Variants in DPP10 observed in about 807,000 individuals in gnomAD.
DPP10 encodes the protein inactive dipeptidyl peptidase 10.
DPP10 carries 33 observed loss-of-function variants against 120.9 expected under a neutral mutation model. The observed-to-expected ratio is 0.27, with a 90% CI of 0.21 to 0.37. The LOEUF is 0.37. DPP10 is among the 10% of genes least tolerant of loss of function. The pLI is 1.00. For synonymous variants in DPP10, 337 were observed against 326.1 expected (o/e 1.03, Z -0.36); for missense variants, 816 against 942.8 (o/e 0.87, Z 1.76).
At chr2:115,389,372 ATAACT>A (rs3980954) in intron 3 of DPP10, among the ~76,000 whole-genome samples, 73,053 of 151,668 alleles carry the variant, frequency 0.48, 18,215 homozygotes, top group Non-Finnish European at 0.56. Context: ...GGCAAGCAAC[ATAACT>A]TGTTGGCTTT....
At chr2:114,800,415 G>A (rs1267078113) in intron 1 of DPP10, among the ~76,000 whole-genome samples, 1 of 152,162 alleles carries the variant, frequency 6.6e-6, no homozygotes, top group Admixed American at 6.5e-5. Context: ...ATTTTAATCA[G>A]CATTCTGAAT....
chr2:114,578,892 C>A (rs1368987458), intron 1 of DPP10, among the ~76,000 whole-genome samples: 2 of 150,204 alleles, frequency 1.3e-5, no homozygotes, highest in Non-Finnish European at 2.9e-5. Context: ...ACATTTAACT[C>A]AAAACTCAAA....
At chr2:115,413,283 T>C (rs552644765) in intron 3 of DPP10, among the ~76,000 whole-genome samples, 1 of 152,268 alleles carries the variant, frequency 6.6e-6, no homozygotes, top group East Asian at 1.9e-4. Context: ...CAGTTACTTT[T>C]TCCTAAGGTG....
At chr2:115,834,486 CAG>C (rs1407440707) in intron 21 of DPP10, among the ~76,000 whole-genome samples, 1 of 148,808 alleles carries the variant, frequency 6.7e-6, no homozygotes, top group African/African-American at 2.5e-5. Flanking sequence ...ATTTCTAAAA[CAG>C]ATAGCTCAGT....
At chr2:115,259,718 G>A (rs1559327959) in intron 1 of DPP10, among the ~76,000 whole-genome samples, 1 of 152,156 alleles carries the variant, frequency 6.6e-6, no homozygotes, top group Non-Finnish European at 1.5e-5. Flanking sequence ...GCTGCCCTAA[G>A]TACTATTCTT....
chr2:115,802,372 A>G (rs1048066214), intron 19 of DPP10, among the ~76,000 whole-genome samples: 4 of 152,068 alleles, frequency 2.6e-5, no homozygotes, highest in Non-Finnish European at 5.9e-5. Flanking sequence ...TGATCTTTTC[A>G]AAAAACCAGC....
intron 1 of DPP10, among the ~76,000 whole-genome samples, chr2:114,864,674 A>C (rs920043865): frequency 1.3e-5 from 2 of 152,210 alleles, no homozygotes; most frequent in East Asian, 3.8e-4. Context: ...TGCTAGAAAA[A>C]CAAATATCCG....
At chr2:114,770,824 A>T (rs1326221643) in intron 1 of DPP10, among the ~76,000 whole-genome samples, 1 of 152,190 alleles carries the variant, frequency 6.6e-6, no homozygotes, top group East Asian at 1.9e-4. Flanking sequence ...CTCTACAAGG[A>T]ATAATCAGGA....
At chr2:115,791,397 A>G in intron 19 of DPP10, 41 bp downstream of exon 19, 1 of 1,520,910 alleles carries the variant, frequency 6.6e-7, no homozygotes, top group Non-Finnish European at 8.9e-7. Flanking sequence ...GAATCTAAAG[A>G]TTTTATATTT....
At chr2:115,628,119 T>G (rs1250190613) in intron 5 of DPP10, among the ~76,000 whole-genome samples, 1 of 152,162 alleles carries the variant, frequency 6.6e-6, no homozygotes. Context: ...GTGGTTGAAC[T>G]GATTTACATT....
intron 1 of DPP10, among the ~76,000 whole-genome samples, chr2:115,280,237 G>A (rs888955681): frequency 6.6e-6 from 1 of 152,068 alleles, no homozygotes; most frequent in Non-Finnish European, 1.5e-5. Flanking sequence ...CAAAGGTATG[G>A]ACAAAGTCTT....
intron 21 of DPP10, among the ~76,000 whole-genome samples, chr2:115,831,100 GT>G (rs905315271): frequency 2.9e-4 from 44 of 152,222 alleles, no homozygotes; most frequent in African/African-American, 9.4e-4. Flanking sequence ...CGAATTAATA[GT>G]TTTAATGCAA....
chr2:115,210,608 T>G (rs1463276221), intron 1 of DPP10, among the ~76,000 whole-genome samples: 1 of 152,210 alleles, frequency 6.6e-6, no homozygotes, highest in Non-Finnish European at 1.5e-5. Flanking sequence ...TCTTCCACAA[T>G]GGTTGAACTA....
intron 1 of DPP10, among the ~76,000 whole-genome samples, chr2:115,211,911 G>A (rs2056539037): frequency 6.6e-6 from 1 of 152,118 alleles, no homozygotes; most frequent in Non-Finnish European, 1.5e-5. Context: ...GCTAGTTAAA[G>A]CTATTTGATG....
chr2:114,854,352 G>T (rs1269484925), intron 1 of DPP10, among the ~76,000 whole-genome samples: 1 of 152,098 alleles, frequency 6.6e-6, no homozygotes, highest in Non-Finnish European at 1.5e-5. Flanking sequence ...ATAAATATTA[G>T]AGTTTATATC....
At chr2:114,492,183 TTAATA>T (rs1195894218) in intron 1 of DPP10, among the ~76,000 whole-genome samples, 1 of 152,162 alleles carries the variant, frequency 6.6e-6, no homozygotes, top group African/African-American at 2.4e-5. Context: ...AAATATCTAA[TTAATA>T]TATTATTCAC....
At chr2:114,966,249 C>T (rs947437928) in intron 1 of DPP10, among the ~76,000 whole-genome samples, 2 of 152,068 alleles carry the variant, frequency 1.3e-5, no homozygotes, top group African/African-American at 4.8e-5. Context: ...CCCAAACTCA[C>T]GTTAAAATTT....
intron 1 of DPP10, among the ~76,000 whole-genome samples, chr2:114,505,787 TCTCCAG>T (rs1240049146): frequency 6.6e-6 from 1 of 152,192 alleles, no homozygotes; most frequent in Non-Finnish European, 1.5e-5. Flanking sequence ...CTTCTCGGAC[TCTCCAG>T]CTCATTCTGC....
chr2:115,349,889 C>T (rs549019257), intron 3 of DPP10, among the ~76,000 whole-genome samples: 14 of 152,014 alleles, frequency 9.2e-5, no homozygotes, highest in Non-Finnish European at 1.5e-4. Flanking sequence ...CATTACCCTC[C>T]CTTTAGCCTA....
Sources: gnomAD v4.1 joint callset for allele counts (sites outside exome capture counted in the v4.1 genomes callset) on GRCh38, gnomAD v4.1.1 for gene constraint, MANE v1.5 for transcripts, NCBI Gene and HGNC (gene_info 2026-07-23, HGNC 2026-07-21) for gene names.